ZBTB20: variants seen among roughly 807,000 people sequenced by gnomAD.
ZBTB20 encodes the protein zinc finger and BTB domain containing 20, also known as zinc finger and BTB domain-containing protein 20.
Under a neutral mutation model 56.9 loss-of-function variants are expected in ZBTB20, and 9 were observed. The observed-to-expected ratio is 0.16, with a 90% CI of 0.10 to 0.28. The LOEUF (loss-of-function observed/expected upper bound fraction) is 0.28, where lower values mean the gene tolerates loss of function less well. Among genes scored for constraint, ZBTB20 ranks in the 10% least tolerant of loss-of-function variants. The pLI, the probability that ZBTB20 is intolerant of heterozygous loss-of-function variation, is 1.00. For missense variants in ZBTB20, 655 were observed against 1,003.0 expected (o/e 0.65, Z 4.69); for synonymous variants, 417 against 420.7 (o/e 0.99, Z 0.11).
At chr3:114,708,011 C>T (rs2063822098) in intron 5 of ZBTB20, among the ~76,000 whole-genome samples, 1 of 152,154 alleles carries the variant, frequency 6.6e-6, no homozygotes, top group South Asian at 2.1e-4. Context: ...AGTTCAATGC[C>T]TAATGCATTG....
intron 5 of ZBTB20, among the ~76,000 whole-genome samples, chr3:114,754,095 G>T (rs1226665473): frequency 6.6e-6 from 1 of 152,138 alleles, no homozygotes; most frequent in Non-Finnish European, 1.5e-5. Flanking sequence ...TGGCGCTGCT[G>T]TAACTTGTGG....
chr3:114,982,368 G>A (rs16823432), intron 2 of ZBTB20, among the ~76,000 whole-genome samples: 14,025 of 151,954 alleles, frequency 0.092, 1,894 homozygotes, highest in African/African-American at 0.3. Context: ...CCAGCAAGGG[G>A]CCAAATTTGC....
At chr3:114,666,014 T>C (rs756292107) in intron 6 of ZBTB20, among the ~76,000 whole-genome samples, 1 of 152,044 alleles carries the variant, frequency 6.6e-6, no homozygotes, top group Non-Finnish European at 1.5e-5. Context: ...CCTTTAGCTA[T>C]TGTCACTATC....
rs2078797804 is a variant in ZBTB20, at chr3:114,319,074, C to G, written c.*19931G>C. The G allele has an allele frequency of 6.6e-6, 1 of 152,020 alleles. No individual in the cohort carries two copies. The highest frequency in any genetic ancestry group is 1.5e-5 in the Non-Finnish European group (1 of 68,012). 9.4% of individuals were successfully genotyped at this position (152,020 alleles called of 1,614,324 possible). A position where few individuals can be genotyped will look rare whatever the true frequency, so the allele number is the denominator to read the frequency against. On this transcript the variant is annotated 3_prime_UTR_variant, in exon 12 of 12. Coordinates refer to ENST00000675478, the MANE Select transcript of ZBTB20 (RefSeq NM_001348800.3). ...ACAACAATATAATCCCAACTTTTAA[C>G]ACGCATCTTGAATCAGTAATTTTTT... is the stretch of plus-strand genomic sequence containing the variant.
chr3:114,560,649 C>G (rs1172878996), intron 6 of ZBTB20, among the ~76,000 whole-genome samples: 1 of 152,110 alleles, frequency 6.6e-6, no homozygotes, highest in African/African-American at 2.4e-5. Context: ...TACTTTATTG[C>G]TGAAAAGTGC....
At chr3:114,393,157 A>G (rs943534441) in intron 7 of ZBTB20, among the ~76,000 whole-genome samples, 12 of 152,214 alleles carry the variant, frequency 7.9e-5, no homozygotes, top group African/African-American at 2.9e-4. Flanking sequence ...AAACAGCAAA[A>G]TGGGCTCAAG....
At chr3:114,760,181 T>C (rs1418144439) in intron 5 of ZBTB20, among the ~76,000 whole-genome samples, 1 of 152,182 alleles carries the variant, frequency 6.6e-6, no homozygotes, top group Non-Finnish European at 1.5e-5. Flanking sequence ...AATATATGCC[T>C]GTGTTTGAGA....
At chr3:114,855,597 G>A (rs1259947326) in intron 4 of ZBTB20, among the ~76,000 whole-genome samples, 1 of 152,168 alleles carries the variant, frequency 6.6e-6, no homozygotes, top group Non-Finnish European at 1.5e-5. Flanking sequence ...AGAGCAAGAA[G>A]GAGGTAAAGG....
chr3:114,421,639 A>G (rs1370238275), intron 7 of ZBTB20, among the ~76,000 whole-genome samples: 2 of 152,086 alleles, frequency 1.3e-5, no homozygotes, highest in Non-Finnish European at 2.9e-5. Flanking sequence ...TATCTTTTGA[A>G]GGCATTCCAT....
At chr3:115,089,879 A>G (rs755635195) in intron 1 of ZBTB20, among the ~76,000 whole-genome samples, 6 of 151,864 alleles carry the variant, frequency 4.0e-5, no homozygotes, top group Non-Finnish European at 8.8e-5. Flanking sequence ...CTTTTCTTAT[A>G]TAGCAGTATC....
At chr3:115,146,640 T>G (rs1412865213) in intron 1 of ZBTB20, among the ~76,000 whole-genome samples, 1 of 152,008 alleles carries the variant, frequency 6.6e-6, no homozygotes, top group Non-Finnish European at 1.5e-5. Flanking sequence ...TGGAGAGACA[T>G]CCAGCGGCTG....
chr3:114,396,103 A>G (rs1286030175), intron 7 of ZBTB20, among the ~76,000 whole-genome samples: 1 of 152,134 alleles, frequency 6.6e-6, no homozygotes, highest in Admixed American at 6.5e-5. Context: ...GGATACTGGA[A>G]CCTTCTTATC....
At chr3:114,748,356 C>T (rs1293147466) in intron 5 of ZBTB20, among the ~76,000 whole-genome samples, 33 of 122,448 alleles carry the variant, frequency 2.7e-4, no homozygotes, top group African/African-American at 6.5e-4. Context: ...TTTCTTTTCT[C>T]TCTCTCTCTC....
chr3:114,860,776 C>T (rs2075489704), intron 4 of ZBTB20, among the ~76,000 whole-genome samples: 1 of 152,330 alleles, frequency 6.6e-6, no homozygotes, highest in Admixed American at 6.5e-5. Flanking sequence ...AAAGCATCTT[C>T]AGGGACTAAA....
intron 6 of ZBTB20, among the ~76,000 whole-genome samples, chr3:114,649,964 T>C (rs2060043655): frequency 6.6e-6 from 1 of 151,884 alleles, no homozygotes; most frequent in African/African-American, 2.4e-5. Flanking sequence ...ATCTGTGCTT[T>C]TGAGAAGCTA....
At chr3:114,738,157 T>C (rs1246336170) in intron 5 of ZBTB20, among the ~76,000 whole-genome samples, 2 of 152,064 alleles carry the variant, frequency 1.3e-5, no homozygotes, top group Non-Finnish European at 2.9e-5. Flanking sequence ...TTGCTATGAT[T>C]AAAATATCTT....
intron 3 of ZBTB20, among the ~76,000 whole-genome samples, chr3:114,907,457 C>T (rs1485911222): frequency 2.0e-5 from 3 of 151,790 alleles, no homozygotes; most frequent in Non-Finnish European, 4.4e-5. Context: ...AATATTCAGA[C>T]AGAACAAGTC....
chr3:115,147,036 A>T (rs1313926861), intron 1 of ZBTB20, among the ~76,000 whole-genome samples, 183 bp downstream of exon 1: 1 of 147,314 alleles, frequency 6.8e-6, no homozygotes, highest in Non-Finnish European at 1.5e-5. Context: ...GCGCTCATCC[A>T]GCTCAGGGCC....
At chr3:114,433,060 G>A (rs2090235816) in intron 7 of ZBTB20, among the ~76,000 whole-genome samples, 1 of 152,132 alleles carries the variant, frequency 6.6e-6, no homozygotes, top group Non-Finnish European at 1.5e-5. Flanking sequence ...CTGTTATTAT[G>A]TTACTCTAGG....
Sources: gnomAD v4.1 joint callset for allele counts (sites outside exome capture counted in the v4.1 genomes callset) on GRCh38, gnomAD v4.1.1 for gene constraint, MANE v1.5 for transcripts, NCBI Gene and HGNC (gene_info 2026-07-23, HGNC 2026-07-21) for gene names.